NPAS3: variants seen among roughly 807,000 people sequenced by gnomAD.
NPAS3 encodes neuronal PAS domain protein 3, also known as neuronal PAS domain-containing protein 3.
In NPAS3, 14 loss-of-function variants were observed where a neutral mutation model predicts 73.1. The observed-to-expected ratio is 0.19, with a 90% CI of 0.13 to 0.30. The LOEUF (loss-of-function observed/expected upper bound fraction) is 0.30. Among genes scored for constraint, NPAS3 ranks in the 10% least tolerant of loss-of-function variants. NPAS3 has a pLI of 1.00. For synonymous variants in NPAS3, 620 were observed against 541.5 expected, an observed-to-expected ratio of 1.14 and a Z score of -2.01; for missense variants, 1,096 against 1,250.0, an observed-to-expected ratio of 0.88 and a Z score of 1.86.
intron 1 of NPAS3, among the ~76,000 whole-genome samples, chr14:33,017,694 A>G (rs1056621729): frequency 6.6e-6 from 1 of 152,170 alleles, no homozygotes; most frequent in Non-Finnish European, 1.5e-5. Flanking sequence ...CCGTGAGCAA[A>G]TTACTGAACA....
At chr14:33,494,582 G>C (rs906382777) in intron 4 of NPAS3, among the ~76,000 whole-genome samples, 2 of 152,114 alleles carry the variant, frequency 1.3e-5, no homozygotes, top group African/African-American at 2.4e-5. Context: ...TGGATCTACA[G>C]GGACCCAGAC....
intron 1 of NPAS3, among the ~76,000 whole-genome samples, chr14:32,952,821 A>G (rs2036534308): frequency 6.6e-6 from 1 of 152,142 alleles, no homozygotes. Flanking sequence ...TTGTAATCCC[A>G]GCACTGTAAT....
intron 1 of NPAS3, among the ~76,000 whole-genome samples, chr14:33,027,865 G>A (rs1324708111): frequency 6.6e-6 from 1 of 152,082 alleles, no homozygotes; most frequent in African/African-American, 2.4e-5. Context: ...AATGGGAATT[G>A]GCACTAATAG....
chr14:33,801,793 C>T (rs755192700), downstream of NPAS3: 1 of 152,140 alleles, frequency 6.6e-6, no homozygotes, highest in Non-Finnish European at 1.5e-5. Flanking sequence ...TTTCTAAAAC[C>T]ATGGTGCTAT....
At chr14:33,469,013 G>A in intron 4 of NPAS3, among the ~76,000 whole-genome samples, 1 of 152,158 alleles carries the variant, frequency 6.6e-6, no homozygotes, top group South Asian at 2.1e-4. Context: ...TACAGTTCTT[G>A]TAATTTGGTC....
intron 5 of NPAS3, among the ~76,000 whole-genome samples, chr14:33,660,386 A>G (rs1045422857): frequency 3.9e-5 from 6 of 152,124 alleles, no homozygotes; most frequent in African/African-American, 1.4e-4. Context: ...TTGTTCTTTT[A>G]TGGATAAAGA....
rs904917054 is a variant in NPAS3, at chr14:33,638,294, C to T, written c.559-37917C>T. Among the ~76,000 whole-genome samples the T allele has an allele frequency of 6.6e-5, 10 of 152,144 alleles. No homozygotes were observed. In the East Asian group the frequency reaches 1.9e-3, roughly 29 times the overall value. On this transcript the variant is annotated intron_variant, in intron 5 of 11. Coordinates refer to ENST00000356141, the Ensembl canonical transcript of NPAS3. ...ATAATCTTATGGATATAATGGGCTG[C>T]TGGTCCTCCATCTGCTTCTATCAAA...
chr14:32,992,909 C>A (rs989225149), intron 1 of NPAS3, among the ~76,000 whole-genome samples: 2 of 152,096 alleles, frequency 1.3e-5, no homozygotes, highest in African/African-American at 4.8e-5. Context: ...AATCCCAGCA[C>A]TTTGGGAGGC....
chr14:33,604,734 G>T (rs961767841), intron 5 of NPAS3, among the ~76,000 whole-genome samples: 3 of 151,954 alleles, frequency 2.0e-5, no homozygotes, highest in Non-Finnish European at 4.4e-5. Flanking sequence ...AATTTTAAAA[G>T]GTTTAAGTCA....
At chr14:33,093,540 C>A (rs1413118028) in intron 2 of NPAS3, among the ~76,000 whole-genome samples, 1 of 152,134 alleles carries the variant, frequency 6.6e-6, no homozygotes, top group Non-Finnish European at 1.5e-5. Flanking sequence ...ACTAGTTCAA[C>A]CATTGTGGAA....
At chr14:33,441,747 G>C (rs919671128) in intron 4 of NPAS3, among the ~76,000 whole-genome samples, 3 of 152,142 alleles carry the variant, frequency 2.0e-5, no homozygotes, top group African/African-American at 7.2e-5. Context: ...ACAGTTTCAC[G>C]TGGCTGGGGA....
chr14:33,521,484 A>T (rs1417491600), intron 4 of NPAS3, among the ~76,000 whole-genome samples: 2 of 150,190 alleles, frequency 1.3e-5, no homozygotes, highest in African/African-American at 4.9e-5. Flanking sequence ...GGCTTGATAG[A>T]AGTGATGATT....
intron 1 of NPAS3, among the ~76,000 whole-genome samples, chr14:33,011,207 A>G (rs1187589062): frequency 2.0e-5 from 3 of 152,214 alleles, no homozygotes; most frequent in Admixed American, 6.5e-5. Flanking sequence ...ATGCATTTGT[A>G]TGATTATTGT....
chr14:33,762,737 G>A (rs1284586119), intron 7 of NPAS3, among the ~76,000 whole-genome samples: 1 of 152,184 alleles, frequency 6.6e-6, no homozygotes, highest in African/African-American at 2.4e-5. Flanking sequence ...GTTTCCAAAT[G>A]TGTGACTGTA....
chr14:33,637,349 T>C (rs771779871), intron 5 of NPAS3, among the ~76,000 whole-genome samples: 3 of 152,234 alleles, frequency 2.0e-5, no homozygotes, highest in Non-Finnish European at 2.9e-5. Context: ...ATCTCCACTT[T>C]GCTGGATTCA....
chr14:33,720,410 C>T (rs1416962427), intron 6 of NPAS3, among the ~76,000 whole-genome samples: 1 of 152,144 alleles, frequency 6.6e-6, no homozygotes, highest in Non-Finnish European at 1.5e-5. Flanking sequence ...AGGTGACGGT[C>T]CCAGCTTCTG....
At chr14:33,463,021 C>T (rs773941376) in intron 4 of NPAS3, among the ~76,000 whole-genome samples, 16 of 152,150 alleles carry the variant, frequency 1.1e-4, no homozygotes, top group Non-Finnish European at 4.4e-5. Flanking sequence ...ATTTCCTTAT[C>T]TTTTTATATT....
chr14:33,794,445 G>C (rs1002091550), intron 10 of NPAS3, among the ~76,000 whole-genome samples: 3 of 152,138 alleles, frequency 2.0e-5, no homozygotes, highest in Admixed American at 1.3e-4. Flanking sequence ...AAGTAAAACA[G>C]AGCGGGAGAA....
intron 3 of NPAS3, among the ~76,000 whole-genome samples, chr14:33,270,796 G>A (rs2041038789): frequency 6.6e-6 from 1 of 152,136 alleles, no homozygotes; most frequent in South Asian, 2.1e-4. Flanking sequence ...TAGAATGGAC[G>A]ATGTCCTGTC....
Sources: gnomAD v4.1 joint callset for allele counts (sites outside exome capture counted in the v4.1 genomes callset) on GRCh38, gnomAD v4.1.1 for gene constraint, MANE v1.5 for transcripts, NCBI Gene and HGNC (gene_info 2026-07-23, HGNC 2026-07-21) for gene names.